The following PSG8 variants were observed in gnomAD, a reference collection of about 807,000 sequenced individuals.
PSG8 encodes the protein pregnancy-specific beta-1-glycoprotein 8.
In PSG8, 57 loss-of-function variants were observed where a neutral mutation model predicts 42.5. The observed-to-expected ratio is 1.34, with a 90% CI of 1.08 to 1.67. PSG8 has a LOEUF of 1.67. PSG8 is among the 40% of genes most tolerant of loss of function. The pLI is 0.00. For synonymous variants in PSG8, 280 were observed against 196.8 expected (o/e 1.42, Z -3.54); for missense variants, 783 against 518.6 (o/e 1.51, Z -4.95).
In PSG8 at chr19:42,754,599, A is replaced by C. The variant is rs1969868338; in HGVS notation, c.989-12T>G. Reference sequence around the variant, plus strand: ...GAGGTCTGGACCATCTGGAGCAAAGAGAATAAAGCCACAGGTGATGTCATC... The same window carrying C: ...GAGGTCTGGACCATCTGGAGCAAAGCGAATAAAGCCACAGGTGATGTCATC... On this transcript the variant is annotated splice_polypyrimidine_tract_variant and intron_variant, in intron 4 of 4. Transcript: ENST00000306511. 1 of 1,607,852 alleles carries C rather than the reference A, an allele frequency of 6.2e-7. No individual in the cohort carries two copies. Among genetic ancestry groups the C allele is most frequent in the Non-Finnish European group, 8.5e-7 (1 of 1,175,776 alleles).
At chr19:42,753,915 C>G, downstream of PSG8, 1 of 524,738 alleles carries the variant, frequency 1.9e-6, no homozygotes, top group South Asian at 1.6e-5. Flanking sequence ...AGGTAGAAAG[C>G]AAAAGTAAAT....
At chr19:42,765,152 T>C (rs1970184303) in intron 1 of PSG8, among the ~76,000 whole-genome samples, 1 of 146,492 alleles carries the variant, frequency 6.8e-6, no homozygotes, top group African/African-American at 2.7e-5. Flanking sequence ...TTTTCTCTTT[T>C]TTCTCTTTTT....
chr19:42,754,494 G>T lies in PSG8; in HGVS notation c.1082C>A (p.Pro361Gln), dbSNP rs757599628. 2 of 1,613,846 alleles carry T rather than the reference G, an allele frequency of 1.2e-6. No homozygotes were observed. Among genetic ancestry groups the T allele is most frequent in the Non-Finnish European group, 1.7e-6 (2 of 1,179,856 alleles). ...ATTAATTGTCCAAGAATACTGTGCC[G>T]GTGGGTTAGAGTCCGCAGAACAGGA... ...YLSCSADSNP[P>Q]AQYSWTINGK... is the part of the protein sequence containing the mutation. The change falls in exon 5 of 5, where the codon CCG (proline) becomes CAG (glutamine). Residue 361 changes from proline to glutamine, a missense_variant. By Grantham distance (76) the Pro-to-Gln change is moderately conservative. Coordinates refer to ENST00000306511, the MANE Select transcript of PSG8 (RefSeq NM_182707.3).
At chr19:42,756,697 G>T (rs1969935452) in intron 3 of PSG8, among the ~76,000 whole-genome samples, 1 of 151,996 alleles carries the variant, frequency 6.6e-6, no homozygotes, top group South Asian at 2.1e-4. Flanking sequence ...TGCCTCACTC[G>T]TATATTTTTG....
chr19:42,764,091 G>C lies in PSG8; in HGVS notation c.255C>G (p.Asp85Glu), dbSNP rs753766127. The change falls in exon 2 of 5, where the codon GAC becomes GAG. Residue 85 changes from aspartate to glutamate, a missense_variant. Transcript: ENST00000306511. ...CAGGCCCATATATAATTATTTGACC[G>C]TCTACTACATATGATGTAATGTAAT... ...LYHYITSYVV[D>E]GQIIIYGPAY... The C allele has an allele frequency of 6.2e-7, 1 of 1,613,530 alleles. No individual in the cohort carries two copies. Among genetic ancestry groups the C allele is most frequent in the Non-Finnish European group, 8.5e-7 (1 of 1,179,858 alleles).
At chr19:42,759,778 C>T (rs1970027689) in intron 2 of PSG8, among the ~76,000 whole-genome samples, 1 of 152,152 alleles carries the variant, frequency 6.6e-6, no homozygotes, top group Non-Finnish European at 1.5e-5. Context: ...GAAATTTTTA[C>T]TGATGGTCCA....
downstream of PSG8, among the ~76,000 whole-genome samples, chr19:42,753,708 T>A (rs1472058482): frequency 2.0e-5 from 3 of 152,184 alleles, no homozygotes; most frequent in Non-Finnish European, 4.4e-5. Flanking sequence ...GACTTCAGAC[T>A]TTGCCTGCAG....
Position 42,765,526 on chromosome 19 carries a change from A to T in PSG8, c.56T>A (p.Leu19Gln), listed in dbSNP as rs755427646. 4 of 1,610,990 alleles carry T rather than the reference A, an allele frequency of 2.5e-6. No homozygotes were observed. Among genetic ancestry groups the T allele is most frequent in the Non-Finnish European group, 3.4e-6 (4 of 1,178,016 alleles). ...CTQRITWKGLLLTASLLNFWN... is the reference protein window; with the variant it reads ...CTQRITWKGLQLTASLLNFWN... The stretch of plus-strand genomic sequence containing the variant: ...GGAGGTTCTCTCCTCACCTGTGAGC[A>T]GGAGCCCCTTCCAGGTGATGCGCTG... Residue 19 changes from leucine to glutamine, a missense_variant, in exon 1 of 5, where the codon CTG (leucine) becomes CAG (glutamine). Leu to Gln is a moderately radical substitution (Grantham distance 113). Coordinates refer to ENST00000306511, the MANE Select transcript of PSG8 (RefSeq NM_182707.3).
At chr19:42,761,228 G>A (rs1264566998) in intron 2 of PSG8, among the ~76,000 whole-genome samples, 1 of 152,144 alleles carries the variant, frequency 6.6e-6, no homozygotes. Flanking sequence ...AACCTTGGGA[G>A]GAATTTAGTT....
In PSG8 at chr19:42,763,257, G is replaced by T. The variant is rs1175812784; in HGVS notation, c.430+659C>A. Among the ~76,000 whole-genome samples the T allele has an allele frequency of 6.6e-5, 10 of 152,198 alleles. 1 individual carries two copies. The South Asian group carries it at 1.2e-3, about 19-fold the overall frequency. ...GGGACATTAGACTTTCTATGGACTG[G>T]CCTAAGCCTCCTAAGGCAGTTGTCT... On this transcript the variant is annotated intron_variant, in intron 2 of 4. Coordinates refer to ENST00000306511, the MANE Select transcript of PSG8 (RefSeq NM_182707.3).
At chr19:42,762,267 A>C (rs1970095633) in intron 2 of PSG8, among the ~76,000 whole-genome samples, 1 of 151,962 alleles carries the variant, frequency 6.6e-6, no homozygotes, top group East Asian at 1.9e-4. Context: ...GGCAGTGAGC[A>C]GTGAGGGAGA....
chr19:42,762,668 A>T (rs754446432), intron 2 of PSG8, among the ~76,000 whole-genome samples: 2 of 151,952 alleles, frequency 1.3e-5, no homozygotes, highest in Non-Finnish European at 2.9e-5. Flanking sequence ...CACTTTGGGA[A>T]ACACAGGATT....
At chr19:42,753,603 C>G (rs549242246), downstream of PSG8, among the ~76,000 whole-genome samples, 27 of 152,248 alleles carry the variant, frequency 1.8e-4, no homozygotes, top group African/African-American at 5.1e-4. Flanking sequence ...ACCGTGTAGG[C>G]TCTCTTTTAA....
At chr19:42,763,654 G>C in intron 2 of PSG8, 2 of 649,246 alleles carry the variant, frequency 3.1e-6, no homozygotes, top group South Asian at 3.7e-5. Context: ...GCTTGTCTGA[G>C]ACTGATCTCC....
At position 42,758,232 on chromosome 19, in the gene PSG8, T is replaced by C. The variant is rs1355111172; in HGVS notation, c.479A>G (p.Glu160Gly). The C allele has an allele frequency of 4.3e-6, 7 of 1,613,908 alleles. No homozygotes were observed. Among genetic ancestry groups the C allele is most frequent in the Non-Finnish European group, 5.9e-6 (7 of 1,179,958 alleles). The part of the protein sequence containing the change: ...SISSSKLNPR[E>G]AMEAVSLTCD... The stretch of plus-strand genomic sequence containing the variant: ...GGTTAAGCTCACAGCCTCCATGGCC[T>C]CCCTGGGGTTTAATTTGCTGCTGGA... Residue 160 changes from glutamate to glycine, a missense_variant, in exon 3 of 5, where the codon GAG (glutamate) becomes GGG (glycine). Transcript: ENST00000306511.
At position 42,761,747 on chromosome 19, in the gene PSG8, A is replaced by G. The variant is rs151292599; in HGVS notation, c.430+2169T>C. ...TGGGGAGGCTGATTTGAGTAATAATAAACCTCTGTCCTCCTGTTTGGCAGA... is the reference window on the plus strand; with the variant it reads ...TGGGGAGGCTGATTTGAGTAATAATGAACCTCTGTCCTCCTGTTTGGCAGA... On this transcript the variant is annotated intron_variant, in intron 2 of 4. Transcript: ENST00000306511. Among the ~76,000 whole-genome samples the G allele has an allele frequency of 7.8e-3, 1,185 of 152,012 alleles. 14 individuals carry two copies. Among genetic ancestry groups the G allele is most frequent in the African/African-American group, 0.027 (1,124 of 41,438 alleles).
intron 4 of PSG8, 140 bp downstream of exon 4, chr19:42,754,848 G>T: frequency 1.3e-6 from 2 of 1,521,744 alleles, no homozygotes; most frequent in South Asian, 1.3e-5. Flanking sequence ...GGTTTTCCCA[G>T]GGCAGGGAGT....
At chr19:42,757,907 C>G in intron 3 of PSG8, 95 bp downstream of exon 3, 1 of 1,613,000 alleles carries the variant, frequency 6.2e-7, no homozygotes, top group Admixed American at 1.7e-5. Context: ...GTAAAGGTCT[C>G]TGTACTTGGA....
rs144837914 is a variant in PSG8, at chr19:42,761,541, T to A, written c.430+2375A>T. Among the ~76,000 whole-genome samples, 1,004 of 152,274 alleles carry A rather than the reference T, an allele frequency of 6.6e-3. 14 individuals are homozygous for A. Among genetic ancestry groups the A allele is most frequent in the African/African-American group, 0.016 (647 of 41,562 alleles). ...TTTGCATTCTGGCAACCGGCTGACC[T>A]CATCCATACCTATGACTAATGGCTC... is the stretch of plus-strand genomic sequence containing the variant. On this transcript the variant is annotated intron_variant, in intron 2 of 4. Coordinates refer to ENST00000306511, the MANE Select transcript of PSG8 (RefSeq NM_182707.3).
Sources: allele counts gnomAD v4.1 joint callset (sites outside exome capture counted in the v4.1 genomes callset), GRCh38; gene constraint gnomAD v4.1.1; transcripts MANE v1.5; gene names NCBI Gene and HGNC (gene_info 2026-07-23, HGNC 2026-07-21).